PPFIA3: variants seen among roughly 807,000 people sequenced by gnomAD.
The protein encoded by PPFIA3 is PPFI scaffold protein A3.
A neutral mutation model predicts 145.8 loss-of-function variants in PPFIA3; 26 were observed. That is an observed-to-expected ratio of 0.18 (90% CI 0.13 to 0.25). PPFIA3 has a LOEUF of 0.25. PPFIA3 is among the 10% of genes least tolerant of loss of function. The pLI, the probability that PPFIA3 is intolerant of heterozygous loss-of-function variation, is 1.00. For missense variants in PPFIA3, 1,008 were observed against 1,587.8 expected (o/e 0.63, Z 6.21); for synonymous variants, 645 against 661.4 (o/e 0.98, Z 0.38).
rs371455262 is a variant in PPFIA3, at chr19:49,136,419, T to C, written c.1666-305T>C. ...CGACAGCAGCCTTGCCAAAATGGCA[T>C]CGCTACTAAAAATGCAAAAATTAGC... On this transcript the variant is annotated intron_variant, in intron 14 of 29. Coordinates refer to ENST00000334186, the MANE Select transcript of PPFIA3 (RefSeq NM_003660.4). 1.2e-3 allele frequency among the ~76,000 whole-genome samples: 190 copies of C among 152,204 alleles called. 3 individuals are homozygous for C. The East Asian group carries it at 0.031, about 25-fold the overall frequency.
At position 49,129,062 on chromosome 19, in the gene PPFIA3, T is replaced by C. The variant is rs192353981; in HGVS notation, c.507+50T>C. ...TGGAGAATGGAAACCTATAGTTGAC[T>C]GGGGCTGTTCTGAGTGGGAGAGATT... On this transcript the variant is annotated intron_variant, in intron 4 of 29. Transcript: ENST00000334186. The C allele has an allele frequency of 1.7e-4, 258 of 1,523,878 alleles. 2 individuals are homozygous for C. In the East Asian group the frequency reaches 5.6e-3, roughly 33 times the overall value. 94.4% of individuals were successfully genotyped at this position (1,523,878 alleles called of 1,614,324 possible). A position where few individuals can be genotyped will look rare whatever the true frequency, so the allele number is the denominator to read the frequency against.
At position 49,135,853 on chromosome 19, in the gene PPFIA3, C is replaced by T. The variant is rs2041131194; in HGVS notation, c.1595C>T (p.Pro532Leu). Residue 532 changes from proline (P) to leucine (L), a missense_variant, in exon 14 of 30, where the codon CCC (proline) becomes CTC (leucine). Pro to Leu is a moderately conservative substitution (Grantham distance 98, BLOSUM62 -3). This residue lies in a region of PPFIA3 where 121 missense variants were observed against 138.2 expected (regional missense o/e 0.88). Transcript: ENST00000334186. Reference protein sequence around the residue: ...PTLPSGAHLDPYVAGSGRAGK... With the variant: ...PTLPSGAHLDLYVAGSGRAGK... ...TTACCTTCTGGTGCCCACCTGGATC[C>T]CTATGTGGCTGGCAGTGGTCGGGCA... 6.2e-7 allele frequency: 1 copy of T among 1,614,004 alleles called. No homozygotes were observed. The highest frequency in any genetic ancestry group is 1.1e-5 in the South Asian group (1 of 91,070).
chr19:49,124,890 C>T (rs1171146897), intron 1 of PPFIA3, among the ~76,000 whole-genome samples: 1 of 152,100 alleles, frequency 6.6e-6, no homozygotes, highest in Non-Finnish European at 1.5e-5. Flanking sequence ...ATGGTGAAAC[C>T]CGTCTCTACT....
chr19:49,140,465 C>T (rs1362484582), intron 18 of PPFIA3, among the ~76,000 whole-genome samples: 2 of 151,296 alleles, frequency 1.3e-5, no homozygotes, highest in East Asian at 3.9e-4. Context: ...TCTCCTGCCT[C>T]GGCCTCTTGA....
At chr19:49,137,628 C>CAAAAAAAAAAAAAAAAAAAAAAAAAAAAA (rs3032695) in intron 15 of PPFIA3, among the ~76,000 whole-genome samples, 6 of 43,784 alleles carry the variant, frequency 1.4e-4, no homozygotes, top group African/African-American at 1.7e-4. Flanking sequence ...GACTCCGTGT[C>CAAAAAAAAAAAAAAAAAAAAAAAAAAAAA]AAAAAAAAAA....
In PPFIA3 at chr19:49,137,474, CA is replaced by C. The variant is rs554854817; in HGVS notation, c.1853+569del. On this transcript the variant is annotated intron_variant, in intron 15 of 29. Coordinates refer to ENST00000334186, the MANE Select transcript of PPFIA3 (RefSeq NM_003660.4). ...TGAAAACCTGTCTCTACTAAAAATGCAAAAAATTAGCCAGGCATGGTGGCAG... is the reference window on the plus strand; with the variant it reads ...TGAAAACCTGTCTCTACTAAAAATGCAAAAATTAGCCAGGCATGGTGGCAG... 1.9e-4 allele frequency among the ~76,000 whole-genome samples: 29 copies of C among 151,594 alleles called. No individual in the cohort carries two copies. In the East Asian group the frequency reaches 5.6e-3, roughly 29 times the overall value.
chr19:49,122,137 A>T (rs1247260577), intron 1 of PPFIA3, among the ~76,000 whole-genome samples: 1 of 148,670 alleles, frequency 6.7e-6, no homozygotes, highest in African/African-American at 2.5e-5. Flanking sequence ...CTGGAGTGCA[A>T]TGCTGCGATC....
At chr19:49,142,263 G>T (rs903453681) in intron 20 of PPFIA3, 148 bp downstream of exon 20, 16 of 673,306 alleles carry the variant, frequency 2.4e-5, no homozygotes, top group Middle Eastern at 4.2e-4. Flanking sequence ...ACCCAGGAGG[G>T]CTCGGGCTTC....
At position 49,128,131 on chromosome 19, in the gene PPFIA3, G is replaced by A. The variant is rs1176748835; in HGVS notation, c.240+18G>A. On this transcript the variant is annotated intron_variant, in intron 2 of 29. Transcript: ENST00000334186. The surrounding 1 kb of genome is among the most constrained non-coding windows in gnomAD (Gnocchi z 4.1). ...TGCCCCAGGTCTGGGCGGGACAGGG[G>A]CGGGGCATGAGGGGGCGGGGCCTCG... 2.0e-6 allele frequency: 3 copies of A among 1,510,336 alleles called. No individual in the cohort carries two copies. The highest frequency in any genetic ancestry group is 2.1e-5 in the Admixed American group (1 of 48,118). 93.6% of individuals were successfully genotyped at this position (1,510,336 alleles called of 1,614,324 possible).
rs368414645 is a variant in PPFIA3 at position 49,138,197 on chromosome 19, C to T, written c.1854-8C>T. The T allele has an allele frequency of 1.5e-5, 23 of 1,569,598 alleles. No homozygotes were observed. Among genetic ancestry groups the T allele is most frequent in the Non-Finnish European group, 1.9e-5 (22 of 1,148,918 alleles). ...CCCTCACCCAGTTTCCCCTATTTCC[C>T]TCCTCAGGCTGATCCAAGAGGAGAA... On this transcript the variant is annotated splice_region_variant and splice_polypyrimidine_tract_variant and intron_variant, in intron 15 of 29. Transcript: ENST00000334186.
At position 49,148,781 on chromosome 19, in the gene PPFIA3, G is replaced by A. The variant is rs1242613337; in HGVS notation, c.3109+18G>A. 1.2e-6 allele frequency: 2 copies of A among 1,603,736 alleles called. No individual in the cohort carries two copies. The highest frequency in any genetic ancestry group is 1.7e-6 in the Non-Finnish European group (2 of 1,170,898). On this transcript the variant is annotated intron_variant, in intron 25 of 29. Transcript: ENST00000334186. ...GATCCGAGGTGAGTAGAGCCTAAGG[G>A]TCCCTTTGGGAGCCAGGTGGAGGGC...
Position 49,150,223 on chromosome 19 carries a change from C to A in PPFIA3, c.*14-13C>A. ...GATCTTCACTGCTCCACGCGCTGCC[C>A]GGCGTCATGCAGGTGACCTCACTCG... On this transcript the variant is annotated splice_polypyrimidine_tract_variant and intron_variant, in intron 29 of 29. Transcript: ENST00000334186. The A allele has an allele frequency of 1.5e-6, 2 of 1,340,536 alleles. No individual in the cohort carries two copies. The highest frequency in any genetic ancestry group is 2.1e-6 in the Non-Finnish European group (2 of 968,888). 83.0% of individuals were successfully genotyped at this position (1,340,536 alleles called of 1,614,324 possible). A position where few individuals can be genotyped will look rare whatever the true frequency, so the allele number is the denominator to read the frequency against.
At chr19:49,140,368 G>A (rs1001348680) in intron 18 of PPFIA3, among the ~76,000 whole-genome samples, 1 of 151,980 alleles carries the variant, frequency 6.6e-6, no homozygotes, top group Non-Finnish European at 1.5e-5. Flanking sequence ...GTTGTTTTGA[G>A]ATGGAGTTTC....
At chr19:49,140,146 T>A in intron 18 of PPFIA3, 58 bp downstream of exon 18, 2 of 1,564,610 alleles carry the variant, frequency 1.3e-6, no homozygotes, top group East Asian at 2.3e-5. Context: ...CCTCCCTCCC[T>A]TTCTTTCTTC....
chr19:49,141,824 T>C (rs920696666), intron 19 of PPFIA3, among the ~76,000 whole-genome samples: 9 of 152,096 alleles, frequency 5.9e-5, no homozygotes, highest in Non-Finnish European at 1.3e-4. Flanking sequence ...GTTTTTCTTA[T>C]TTTGTTCTCT....
intron 25 of PPFIA3, 31 bp downstream of exon 25, chr19:49,148,794 C>A: frequency 6.3e-7 from 1 of 1,591,854 alleles, no homozygotes; most frequent in Non-Finnish European, 8.6e-7. Context: ...CCTTTGGGAG[C>A]CAGGTGGAGG....
chr19:49,129,502 A>G (rs1367934923), intron 5 of PPFIA3, 48 bp downstream of exon 5: 2 of 1,543,840 alleles, frequency 1.3e-6, no homozygotes, highest in South Asian at 2.4e-5. Context: ...GGGAGGGGCT[A>G]AGGGGCTGCC....
chr19:49,133,440 A>G lies in PPFIA3; in HGVS notation c.1161+69A>G. ...GGGGCCTAGAGGAGGCGGGGCCGTG[A>G]ATCTGGAGGGGTAGGAGCGAGGTCA... On this transcript the variant is annotated intron_variant, in intron 9 of 29. Coordinates refer to ENST00000334186, the MANE Select transcript of PPFIA3 (RefSeq NM_003660.4). This position sits in a 1 kb window ranked among gnomAD's most constrained non-coding sequence, Gnocchi z 7.2. 6.8e-7 allele frequency: 1 copy of G among 1,479,626 alleles called. No individual in the cohort carries two copies. The highest frequency in any genetic ancestry group is 9.0e-7 in the Non-Finnish European group (1 of 1,116,528). The allele number at this position is 1,479,626 out of a possible 1,614,324, so 91.7% of individuals were successfully genotyped here.
intron 1 of PPFIA3, among the ~76,000 whole-genome samples, chr19:49,122,502 A>G (rs1223065601): frequency 6.6e-6 from 1 of 152,132 alleles, no homozygotes; most frequent in Non-Finnish European, 1.5e-5. Context: ...GTTCATTTCA[A>G]GTGTGTTCCA....
Sources: allele counts gnomAD v4.1 joint callset (sites outside exome capture counted in the v4.1 genomes callset), GRCh38; gene constraint gnomAD v4.1.1; regional missense constraint gnomAD v4.1.1; non-coding constraint Gnocchi (gnomAD v3.1); transcripts MANE v1.5; gene names NCBI Gene and HGNC (gene_info 2026-07-23, HGNC 2026-07-21).